The following GRID1 variants were observed in gnomAD, a reference collection of about 807,000 sequenced individuals.
The protein encoded by GRID1 is glutamate receptor ionotropic, delta-1.
Under a neutral mutation model 98.0 loss-of-function variants are expected in GRID1, and 28 were observed. The ratio of observed to expected loss-of-function variants is 0.29; its 90% confidence interval spans 0.21 to 0.39. The LOEUF is 0.39. Ranked by LOEUF, GRID1 falls within the 10% of genes least tolerant of loss-of-function variation. The probability of loss-of-function intolerance (pLI) is 1.00; values close to 1 mark genes in which losing one functional copy is unlikely to be tolerated. For missense variants in GRID1, 1,111 were observed against 1,340.5 expected (o/e 0.83, Z 2.67); for synonymous variants, 553 against 538.5 (o/e 1.03, Z -0.37).
intron 4 of GRID1, among the ~76,000 whole-genome samples, chr10:85,982,464 G>T (rs1387958518): frequency 1.3e-5 from 2 of 152,208 alleles, no homozygotes; most frequent in South Asian, 2.1e-4. Context: ...CAAGGGTGAA[G>T]TGCAACCATC....
At chr10:86,328,778 C>T (rs1044219901) in intron 2 of GRID1, among the ~76,000 whole-genome samples, 1 of 151,924 alleles carries the variant, frequency 6.6e-6, no homozygotes, top group African/African-American at 2.4e-5. Context: ...CCCCCCTCCA[C>T]CCCCACCAAC....
In GRID1 at chr10:86,117,002, CATT is replaced by C. The variant is rs575875896; in HGVS notation, c.726+21814_726+21816del. ...CAACCTTCATCACCATCACCACCAT[CATT>C]ACCACAATCACCAATACTACCACCA... On this transcript the variant is annotated intron_variant, in intron 4 of 15. Transcript: ENST00000327946. 1.0e-3 allele frequency among the ~76,000 whole-genome samples: 154 copies of C among 152,078 alleles called. 1 individual carries two copies. The highest frequency in any genetic ancestry group is 3.5e-3 in the African/African-American group (146 of 41,442).
At chr10:86,022,470 T>C (rs1455736987) in intron 4 of GRID1, among the ~76,000 whole-genome samples, 1 of 152,012 alleles carries the variant, frequency 6.6e-6, no homozygotes, top group African/African-American at 2.4e-5. Flanking sequence ...CCATGCTGCC[T>C]CCTGCCCATA....
At chr10:85,647,026 G>C in intron 13 of GRID1, 176 bp downstream of exon 13, 1 of 653,054 alleles carries the variant, frequency 1.5e-6, no homozygotes, top group South Asian at 1.8e-5. Flanking sequence ...AGGTCCATAA[G>C]AAGCAGAGCA....
chr10:86,157,570 T>A (rs977589854), intron 3 of GRID1, among the ~76,000 whole-genome samples: 1 of 151,998 alleles, frequency 6.6e-6, no homozygotes, highest in Non-Finnish European at 1.5e-5. Context: ...ATGCTCAACC[T>A]TTTCTCTCCC....
In GRID1 at chr10:85,644,448, T is replaced by A. The variant is rs546094019; in HGVS notation, c.2193+2754A>T. On this transcript the variant is annotated intron_variant, in intron 13 of 15. Transcript: ENST00000327946. ...TGTATGTGTATATTTTATACATTTT[T>A]AAGAGGGTATAATATTCTGTGTTAC... Among the ~76,000 whole-genome samples the A allele has an allele frequency of 5.3e-5, 8 of 152,354 alleles. No homozygotes were observed. The South Asian group carries it at 1.7e-3, about 32-fold the overall frequency.
intron 13 of GRID1, among the ~76,000 whole-genome samples, chr10:85,639,948 TA>T (rs575972312): frequency 7.3e-4 from 111 of 152,348 alleles, no homozygotes; most frequent in African/African-American, 2.5e-3. Context: ...CTGCTGAACA[TA>T]TACCTTGTGC....
At chr10:85,751,659 A>G (rs1461622623) in intron 8 of GRID1, among the ~76,000 whole-genome samples, 9 of 152,114 alleles carry the variant, frequency 5.9e-5, no homozygotes, top group Admixed American at 3.3e-4. Context: ...AGAAAAACAT[A>G]TATTCTTATT....
At chr10:85,911,249 A>G (rs141122567) in intron 5 of GRID1, among the ~76,000 whole-genome samples, 2 of 152,262 alleles carry the variant, frequency 1.3e-5, no homozygotes, top group African/African-American at 4.8e-5. Context: ...GGTCTCTGAG[A>G]TCAGGAGCAC....
chr10:85,850,305 C>G (rs2131777621), intron 8 of GRID1, among the ~76,000 whole-genome samples: 1 of 152,320 alleles, frequency 6.6e-6, no homozygotes, highest in South Asian at 2.1e-4. Flanking sequence ...AACTAGTGCT[C>G]CTATCCAGGC....
intron 2 of GRID1, among the ~76,000 whole-genome samples, chr10:86,219,661 G>C (rs1846225565): frequency 6.6e-6 from 1 of 152,220 alleles, no homozygotes; most frequent in Non-Finnish European, 1.5e-5. Context: ...GAGGTAGTGG[G>C]GGTAAATGGA....
intron 4 of GRID1, among the ~76,000 whole-genome samples, chr10:85,982,956 T>A (rs1036025420): frequency 2.0e-5 from 3 of 152,188 alleles, no homozygotes; most frequent in Admixed American, 6.5e-5. Context: ...CTGGCACTTT[T>A]ATGGCTCCCT....
intron 2 of GRID1, among the ~76,000 whole-genome samples, chr10:86,301,754 A>G (rs367729783): frequency 6.6e-6 from 1 of 152,230 alleles, no homozygotes; most frequent in East Asian, 1.9e-4. Context: ...GACAATCATC[A>G]CTGATAAAGG....
intron 8 of GRID1, among the ~76,000 whole-genome samples, chr10:85,820,023 A>AGGCAGGCAGGCAGGC: frequency 1.1e-5 from 1 of 90,144 alleles, no homozygotes; most frequent in Admixed American, 1.2e-4. Context: ...GGAAGGAAGG[A>AGGCAGGCAGGCAGGC]AGGAAGGCAG....
chr10:86,020,965 G>A (rs1843040196), intron 4 of GRID1, among the ~76,000 whole-genome samples: 1 of 152,138 alleles, frequency 6.6e-6, no homozygotes, highest in African/African-American at 2.4e-5. Flanking sequence ...CAGAATATTA[G>A]CAGCCCCCCA....
intron 4 of GRID1, among the ~76,000 whole-genome samples, chr10:85,920,873 G>A (rs1334087278): frequency 6.6e-6 from 1 of 152,188 alleles, no homozygotes; most frequent in Non-Finnish European, 1.5e-5. Context: ...CACTGTGGCT[G>A]AGGGACACAA....
chr10:85,933,084 G>A (rs1841879003), intron 4 of GRID1, among the ~76,000 whole-genome samples: 3 of 152,114 alleles, frequency 2.0e-5, no homozygotes, highest in African/African-American at 7.2e-5. Flanking sequence ...ATAGATTAAT[G>A]TCAGCATTGC....
chr10:86,177,744 CAG>C (rs577443561), intron 3 of GRID1, among the ~76,000 whole-genome samples: 272 of 151,904 alleles, frequency 1.8e-3, no homozygotes, highest in Non-Finnish European at 3.3e-3. Flanking sequence ...ATGAGCGAGA[CAG>C]TGTGTGCGTG....
At chr10:85,910,081 C>G (rs1408077008) in intron 5 of GRID1, among the ~76,000 whole-genome samples, 1 of 152,186 alleles carries the variant, frequency 6.6e-6, no homozygotes, top group African/African-American at 2.4e-5. Flanking sequence ...GATATGCTCC[C>G]TGTCCTCAAA....
Sources: allele counts gnomAD v4.1 joint callset (sites outside exome capture counted in the v4.1 genomes callset), GRCh38; gene constraint gnomAD v4.1.1; transcripts MANE v1.5; gene names NCBI Gene and HGNC (gene_info 2026-07-23, HGNC 2026-07-21).